WDR90: variants seen among roughly 807,000 people sequenced by gnomAD.
WDR90 encodes WD repeat-containing protein 90.
A neutral mutation model predicts 195.2 loss-of-function variants in WDR90; 238 were observed. That is an observed-to-expected ratio of 1.22 (90% confidence interval 1.10 to 1.36). The LOEUF is 1.36. Ranked by LOEUF, WDR90 falls within the 40% of genes most tolerant of loss-of-function variation. WDR90 has a pLI of 0.00. For synonymous variants in WDR90, 1,265 were observed against 1,052.4 expected (o/e 1.20, Z -3.91); for missense variants, 2,734 against 2,439.5 (o/e 1.12, Z -2.54).
intron 21 of WDR90, 138 bp downstream of exon 21, chr16:658,030 T>A: frequency 1.4e-6 from 2 of 1,452,758 alleles, no homozygotes; most frequent in South Asian, 2.7e-5. Flanking sequence ...ACATCAGCCA[T>A]GTGGGGCCCA....
At chr16:664,519 G>A (rs1201734279) in intron 34 of WDR90, among the ~76,000 whole-genome samples, 2 of 152,184 alleles carry the variant, frequency 1.3e-5, no homozygotes, top group African/African-American at 4.8e-5. Flanking sequence ...CCTGTGATGT[G>A]GAAGTGCGAG....
Position 649,861 on chromosome 16 carries a change from G to T in WDR90, c.102+7G>T. On this transcript the variant is annotated splice_region_variant and intron_variant, in intron 2 of 40. Coordinates refer to ENST00000293879, the MANE Select transcript of WDR90 (RefSeq NM_145294.5). ...GGACGTGGCCGTGGTCACGGTAGGC[G>T]GCCGGGGGCTCGCCCGGAGCCCACA... 6.3e-7 allele frequency: 1 copy of T among 1,577,686 alleles called. No individual in the cohort carries two copies. The highest frequency in any genetic ancestry group is 8.6e-7 in the Non-Finnish European group (1 of 1,162,316).
In WDR90 at chr16:658,563, G is replaced by C. The variant is rs368838828; in HGVS notation, c.2805G>C (p.Thr935=). 184 of 1,612,570 alleles carry C rather than the reference G, an allele frequency of 1.1e-4. No individual in the cohort carries two copies. The highest frequency in any genetic ancestry group is 3.3e-4 in the Middle Eastern group (2 of 6,084). Residue 935 remains threonine, a synonymous_variant, in exon 23 of 41, where the codon ACG becomes ACC. Transcript: ENST00000293879. ...ACCCTGAGCCCTGCCCCTCCTTGAC[G>C]CTCAGTGAGGACGCCCGCTTCCTGC... ...GVHPEPCPSL[T]LSEDARFLLI...
Position 667,499 on chromosome 16 carries a change from A to G in WDR90, c.5157A>G (p.Ala1719=). The change falls in exon 41 of 41, where the codon GCA becomes GCG. Residue 1719 remains alanine (A), a synonymous_variant. Transcript: ENST00000293879. ...TAQDFAGHDN[A]VHLCRFTPSA... ...AAGACTTTGCCGGCCACGACAACGCAGTGCACCTGTGCAGGTTTACACCGT... is the reference window on the plus strand; with the variant it reads ...AAGACTTTGCCGGCCACGACAACGCGGTGCACCTGTGCAGGTTTACACCGT... 6.2e-7 allele frequency: 1 copy of G among 1,612,328 alleles called. No individual in the cohort carries two copies. Among genetic ancestry groups the G allele is most frequent in the East Asian group, 2.2e-5 (1 of 44,874 alleles).
Position 666,105 on chromosome 16 carries a change from T to C in WDR90, c.4590T>C (p.Thr1530=). ...ACCCCCACCCGGTGGCGCTGACCAC[T>C]GTTGCCTTCTCCACCGATGGTGAGG... ...KMHPHPVALT[T]VAFSTDGQTV... The change falls in exon 36 of 41, where the codon ACT becomes ACC. Residue 1530 remains threonine (T), a synonymous_variant. Transcript: ENST00000293879. 1.2e-6 allele frequency: 2 copies of C among 1,610,358 alleles called. No homozygotes were observed. Among genetic ancestry groups the C allele is most frequent in the Non-Finnish European group, 1.7e-6 (2 of 1,179,050 alleles).
At chr16:667,378 C>T in intron 40 of WDR90, 54 bp from the exon 41 acceptor site, 2 of 1,550,868 alleles carry the variant, frequency 1.3e-6, no homozygotes, top group South Asian at 1.2e-5. Context: ...TTGGGGGAGC[C>T]CTCTGAGTGC....
chr16:652,493 G>A lies in WDR90; in HGVS notation c.1080G>A (p.Arg360=). ...CEGFLPDPVL[R]LKGVIGFGGH... Reference sequence around the variant, plus strand: ...GCTTCCTCCCAGACCCAGTCCTGAGGCTCAAGGGCGTCATCGGCTTTGGGG... The same window carrying A: ...GCTTCCTCCCAGACCCAGTCCTGAGACTCAAGGGCGTCATCGGCTTTGGGG... Residue 360 remains arginine (R), a synonymous_variant, in exon 10 of 41, where the codon AGG becomes AGA. Transcript: ENST00000293879. 6.2e-7 allele frequency: 1 copy of A among 1,610,626 alleles called. No homozygotes were observed. The highest frequency in any genetic ancestry group is 1.1e-5 in the South Asian group (1 of 90,802).
In WDR90 at chr16:650,017, T is replaced by C. The variant is rs1407722429; in HGVS notation, c.129T>C (p.Tyr43=). The change falls in exon 3 of 41, where the codon TAT becomes TAC. Residue 43 remains tyrosine (Y), a synonymous_variant. Coordinates refer to ENST00000293879, the MANE Select transcript of WDR90 (RefSeq NM_145294.5). ...VTDKTLKGAV[Y]RIRGSVSAAN... Reference sequence around the variant, plus strand: ...ACAAGACCCTGAAGGGCGCCGTGTATCGCATTCGGGGCTCAGTCTCTGCCG... The same window carrying C: ...ACAAGACCCTGAAGGGCGCCGTGTACCGCATTCGGGGCTCAGTCTCTGCCG... 2.5e-6 allele frequency: 4 copies of C among 1,612,794 alleles called. No individual in the cohort carries two copies. The South Asian group carries it at 4.4e-5, about 18-fold the overall frequency.
Position 655,100 on chromosome 16 carries a change from T to G in WDR90, c.1509T>G (p.Thr503=). ...GEVVVLAKAH[T]DFDVQAFRVT... Reference sequence around the variant, plus strand: ...TGGTCGTTCTGGCAAAGGCGCACACTGACTTTGACGTCCAGGCCTTCCGGG... The same window carrying G: ...TGGTCGTTCTGGCAAAGGCGCACACGGACTTTGACGTCCAGGCCTTCCGGG... Residue 503 remains threonine, a synonymous_variant, in exon 14 of 41, where the codon ACT becomes ACG. Transcript: ENST00000293879. The G allele has an allele frequency of 6.2e-7, 1 of 1,612,800 alleles. No homozygotes were observed. Among genetic ancestry groups the G allele is most frequent in the Non-Finnish European group, 8.5e-7 (1 of 1,179,856 alleles).
At chr16:667,390 G>T (rs1350653699) in intron 40 of WDR90, 42 bp from the exon 41 acceptor site, 3 of 1,561,962 alleles carry the variant, frequency 1.9e-6, no homozygotes, top group Admixed American at 3.4e-5. Context: ...TCTGAGTGCT[G>T]CCTGGTCCTG....
At position 658,945 on chromosome 16, in the gene WDR90, ACCAGCAGCAGG is replaced by A; in HGVS notation, c.2946_2956del (p.Gln983ProfsTer17). 1 of 1,612,794 alleles carries A rather than the reference ACCAGCAGCAGG, an allele frequency of 6.2e-7. No homozygotes were observed. The highest frequency in any genetic ancestry group is 1.7e-5 in the Admixed American group (1 of 60,004). ...GTGCAGGCTGTGGCCTTCTCTCCTG[ACCAGCAGCAGG>A]TCCTCAGCGCAGGGGACGCCGTCTT... On this transcript the variant is annotated frameshift_variant, in exon 24 of 41. Transcript: ENST00000293879. LOFTEE classifies it high-confidence loss of function.
At chr16:663,355 T>G in intron 34 of WDR90, 1 of 291,254 alleles carries the variant, frequency 3.4e-6, no homozygotes, top group South Asian at 2.9e-5. Flanking sequence ...AGAGAATCGC[T>G]TGAACCCAGG....
In WDR90 at chr16:659,072, T is replaced by C; in HGVS notation, c.3012-14T>C. The C allele has an allele frequency of 6.2e-7, 1 of 1,612,864 alleles. No individual in the cohort carries two copies. Among genetic ancestry groups the C allele is most frequent in the Non-Finnish European group, 8.5e-7 (1 of 1,179,888 alleles). ...CCCCAGGCCCTCCTGAAACCCTCTC[T>C]CCTCCCTCTCCAGCGACCAAAGCTT... On this transcript the variant is annotated splice_polypyrimidine_tract_variant and intron_variant, in intron 24 of 40. Transcript: ENST00000293879.
chr16:649,705 G>A (rs2037599156), intron 1 of WDR90, 58 bp from the exon 2 acceptor site: 3 of 1,500,896 alleles, frequency 2.0e-6, no homozygotes, highest in Middle Eastern at 2.1e-4. Flanking sequence ...GCCCAGCCCC[G>A]CAGTGGCCCC....
chr16:666,710 G>A lies in WDR90; in HGVS notation c.4922G>A (p.Cys1641Tyr). The A allele has an allele frequency of 6.2e-7, 1 of 1,612,832 alleles. No homozygotes were observed. The highest frequency in any genetic ancestry group is 8.5e-7 in the Non-Finnish European group (1 of 1,179,978). Residue 1641 changes from cysteine (C) to tyrosine (Y), a missense_variant, in exon 39 of 41, where the codon TGC becomes TAC. Physicochemically the swap from Cys to Tyr is radical, Grantham distance 194 (BLOSUM62 -2). Coordinates refer to ENST00000293879, the MANE Select transcript of WDR90 (RefSeq NM_145294.5). Reference protein sequence around the residue: ...GHLPPSLAAFCPWDGALLMYV... With the variant: ...GHLPPSLAAFYPWDGALLMYV... ...CTGCCACCCTCCCTCGCTGCCTTCT[G>A]CCCTTGGGATGGGGCGCTCCTGATG...
intron 28 of WDR90, 32 bp downstream of exon 28, chr16:660,746 C>A: frequency 6.5e-7 from 1 of 1,529,090 alleles, no homozygotes; most frequent in Non-Finnish European, 8.9e-7. Flanking sequence ...CCACCCCCAG[C>A]CAAGATGCGG....
chr16:656,800 T>C lies in WDR90; in HGVS notation c.2271T>C (p.Phe757=), dbSNP rs1193237185. Residue 757 remains phenylalanine, a synonymous_variant, in exon 19 of 41, where the codon TTT becomes TTC. Transcript: ENST00000293879. ...AVTFHPTRPT[F]FCGFSSGAVR... ...CCTTCCACCCCACAAGGCCAACCTT[T>C]TTCTGTGGCTTTAGCAGTGGGGCCG... 8.7e-6 allele frequency: 14 copies of C among 1,613,054 alleles called. No homozygotes were observed. In the African/African-American group the frequency reaches 1.9e-4, roughly 22 times the overall value.
At chr16:653,222 G>A (rs1016041284) in intron 10 of WDR90, 119 bp from the exon 11 acceptor site, 3 of 779,476 alleles carry the variant, frequency 3.8e-6, no homozygotes, top group African/African-American at 3.5e-5. Context: ...GCCCAGGTGT[G>A]TGTGCCAGGC....
rs1035834260 is a variant in WDR90 at position 657,709 on chromosome 16, A to ACG, written c.2474-49_2474-48dup. The ACG allele has an allele frequency of 3.1e-5, 46 of 1,483,092 alleles. No homozygotes were observed. The African/African-American group carries it at 5.4e-4, about 17-fold the overall frequency. 91.9% of individuals were successfully genotyped at this position (1,483,092 alleles called of 1,614,324 possible). On this transcript the variant is annotated intron_variant, in intron 20 of 40. Transcript: ENST00000293879. Reference sequence around the variant, plus strand: ...GCGGCGGCCTCCTCGGGCCCTGGCCACGCGCACCCCGGCACTCCCCACCCA... The same window carrying ACG: ...GCGGCGGCCTCCTCGGGCCCTGGCCACGCGCGCACCCCGGCACTCCCCACCCA...
Sources: allele counts gnomAD v4.1 joint callset (sites outside exome capture counted in the v4.1 genomes callset), GRCh38; gene constraint gnomAD v4.1.1; transcripts MANE v1.5; gene names NCBI Gene and HGNC (gene_info 2026-07-23, HGNC 2026-07-21).